Variants in C3orf20 observed in about 807,000 individuals in gnomAD.
C3orf20 encodes uncharacterized protein C3orf20.
Under a neutral mutation model 88.3 loss-of-function variants are expected in C3orf20, and 76 were observed. The ratio of observed to expected loss-of-function variants is 0.86; its 90% confidence interval spans 0.72 to 1.04. The LOEUF (loss-of-function observed/expected upper bound fraction) is 1.04. Ranked by LOEUF, C3orf20 falls within the 50% of genes least tolerant of loss-of-function variation. C3orf20 has a pLI of 0.00. For synonymous variants in C3orf20, 436 were observed against 437.4 expected, an observed-to-expected ratio of 1.00 and a Z score of 0.04; for missense variants, 1,056 against 1,123.3, an observed-to-expected ratio of 0.94 and a Z score of 0.86.
intron 11 of C3orf20, among the ~76,000 whole-genome samples, chr3:14,727,656 T>C (rs1387471113): frequency 6.6e-6 from 1 of 152,192 alleles, no homozygotes; most frequent in Non-Finnish European, 1.5e-5. Flanking sequence ...GGGGAGTTTC[T>C]TCTCGTCCCC....
At chr3:14,758,567 T>A (rs1373189325) in intron 13 of C3orf20, among the ~76,000 whole-genome samples, 1 of 152,208 alleles carries the variant, frequency 6.6e-6, no homozygotes, top group Non-Finnish European at 1.5e-5. Flanking sequence ...GGTGTCCACA[T>A]GGTGACTTCC....
rs1234394754 is a variant in C3orf20 at position 14,760,003 on chromosome 3, G to A, written c.2352+5G>A. ...GTGGTGCAGGGGATGATTCTGGTGAGCCAGCAGGGACTTGCTATCCACTGC... is the reference window on the plus strand; with the variant it reads ...GTGGTGCAGGGGATGATTCTGGTGAACCAGCAGGGACTTGCTATCCACTGC... On this transcript the variant is annotated splice_donor_5th_base_variant and intron_variant, in intron 14 of 16. Coordinates refer to ENST00000253697, the MANE Select transcript of C3orf20 (RefSeq NM_032137.5). 1 of 1,610,274 alleles carries A rather than the reference G, an allele frequency of 6.2e-7. No homozygotes were observed. The highest frequency in any genetic ancestry group is 1.7e-5 in the Admixed American group (1 of 60,018).
intron 5 of C3orf20, among the ~76,000 whole-genome samples, chr3:14,698,021 G>A (rs772364792): frequency 2.2e-4 from 33 of 152,234 alleles, no homozygotes; most frequent in Middle Eastern, 3.4e-3. Flanking sequence ...ATGAACATAC[G>A]TGTGCATGTG....
At chr3:14,699,154 C>G (rs1227290587) in intron 5 of C3orf20, among the ~76,000 whole-genome samples, 1 of 152,076 alleles carries the variant, frequency 6.6e-6, no homozygotes, top group African/African-American at 2.4e-5. Flanking sequence ...GGGCAGTGGG[C>G]TCCCCTGTGC....
chr3:14,751,279 C>G (rs2035211446), intron 12 of C3orf20, among the ~76,000 whole-genome samples: 1 of 152,186 alleles, frequency 6.6e-6, no homozygotes, highest in African/African-American at 2.4e-5. Flanking sequence ...AGAAACAGCT[C>G]TGGTCTACAG....
At chr3:14,747,891 T>G (rs564453871) in intron 12 of C3orf20, among the ~76,000 whole-genome samples, 6 of 152,092 alleles carry the variant, frequency 3.9e-5, no homozygotes, top group East Asian at 3.9e-4. Context: ...TAGTCAAACT[T>G]TTGTTTGCTG....
rs368674849 is a variant in C3orf20 at position 14,761,632 on chromosome 3, G to C, written c.2495+17G>C. On this transcript the variant is annotated intron_variant, in intron 15 of 16. Coordinates refer to ENST00000253697, the MANE Select transcript of C3orf20 (RefSeq NM_032137.5). Reference sequence around the variant, plus strand: ...CAAATTCAGGTAAAACAGGAAACACGCAGGATGAGGGATGGGCCTGGGGAG... The same window carrying C: ...CAAATTCAGGTAAAACAGGAAACACCCAGGATGAGGGATGGGCCTGGGGAG... 2 of 1,613,502 alleles carry C rather than the reference G, an allele frequency of 1.2e-6. No homozygotes were observed. Among genetic ancestry groups the C allele is most frequent in the South Asian group, 1.1e-5 (1 of 91,068 alleles).
At chr3:14,697,704 C>T (rs1384247126) in intron 5 of C3orf20, among the ~76,000 whole-genome samples, 1 of 70 alleles carries the variant, frequency 0.014, no homozygotes, top group Non-Finnish European at 0.028. Flanking sequence ...CTCCCCCAGC[C>T]CCCAACCCCC....
chr3:14,704,790 G>T (rs1456554716), intron 7 of C3orf20, among the ~76,000 whole-genome samples, 172 bp downstream of exon 7: 2 of 152,162 alleles, frequency 1.3e-5, no homozygotes, highest in Non-Finnish European at 2.9e-5. Flanking sequence ...GGTCAGAGGA[G>T]GAGGTAATAA....
At chr3:14,712,269 C>G (rs1383110725) in intron 7 of C3orf20, among the ~76,000 whole-genome samples, 2 of 151,578 alleles carry the variant, frequency 1.3e-5, no homozygotes, top group East Asian at 3.9e-4. Context: ...CATGTACAAT[C>G]CAAAGAATAC....
chr3:14,707,960 C>G (rs1465515217), intron 7 of C3orf20, among the ~76,000 whole-genome samples: 1 of 151,746 alleles, frequency 6.6e-6, no homozygotes, highest in Non-Finnish European at 1.5e-5. Flanking sequence ...GCTGGGATTA[C>G]AGGTATGCAC....
intron 12 of C3orf20, among the ~76,000 whole-genome samples, chr3:14,742,210 T>C (rs920663091): frequency 6.6e-6 from 1 of 152,250 alleles, no homozygotes; most frequent in Non-Finnish European, 1.5e-5. Flanking sequence ...TGATATGCTG[T>C]CAAAGATGGT....
In C3orf20 at chr3:14,726,114, A is replaced by G. The variant is rs546744275; in HGVS notation, c.1567-787A>G. On this transcript the variant is annotated intron_variant, in intron 10 of 16. Transcript: ENST00000253697. ...GGAAACAGACTGTGGAATGGAACCA[A>G]GTATGTAGGAGTTTACTGGAGACTG... Among the ~76,000 whole-genome samples, 30 of 152,360 alleles carry G rather than the reference A, an allele frequency of 2.0e-4. No homozygotes were observed. The South Asian group carries it at 3.3e-3, about 17-fold the overall frequency.
At position 14,701,756 on chromosome 3, in the gene C3orf20, A is replaced by G. The variant is rs1265694024; in HGVS notation, c.746-1374A>G. Among the ~76,000 whole-genome samples, 3 of 152,148 alleles carry G rather than the reference A, an allele frequency of 2.0e-5. No homozygotes were observed. Among genetic ancestry groups the G allele is most frequent in the African/African-American group, 4.8e-5 (2 of 41,430 alleles). On this transcript the variant is annotated intron_variant, in intron 5 of 16. Coordinates refer to ENST00000253697, the MANE Select transcript of C3orf20 (RefSeq NM_032137.5). The surrounding 1 kb of genome is among the most constrained non-coding windows in gnomAD (Gnocchi z 4.6). ...CTTTGTGTCTTTAATCAGGTGAATC[A>G]AAAGGGTCCAATTCAGTGAGGGCCG...
rs1206870413 is a variant in C3orf20 at position 14,689,931 on chromosome 3, A to T, written c.626-66A>T. The T allele has an allele frequency of 1.9e-6, 3 of 1,607,388 alleles. No homozygotes were observed. In the African/African-American group the frequency reaches 4.0e-5, roughly 21 times the overall value. On this transcript the variant is annotated intron_variant, in intron 4 of 16. Transcript: ENST00000253697. ...ACTACTAGAACAAGAAATCCATGTT[A>T]CATTTTTGGCTAATAAAATTAAAAG...
In C3orf20 at chr3:14,706,206, G is replaced by A. The variant is rs115006776; in HGVS notation, c.1160+1588G>A. On this transcript the variant is annotated intron_variant, in intron 7 of 16. Transcript: ENST00000253697. ...GATTTAAGCACTCTGTCAAAGAAGTGTTATTGTTTCTCAGACCGTATATGA... is the reference window on the plus strand; with the variant it reads ...GATTTAAGCACTCTGTCAAAGAAGTATTATTGTTTCTCAGACCGTATATGA... Among the ~76,000 whole-genome samples the A allele has an allele frequency of 4.6e-3, 702 of 152,220 alleles. 6 individuals are homozygous for A. Among genetic ancestry groups the A allele is most frequent in the South Asian group, 0.011 (53 of 4,822 alleles).
chr3:14,772,250 AC>A lies in C3orf20; in HGVS notation c.2630+51del. On this transcript the variant is annotated intron_variant, in intron 16 of 16. Coordinates refer to ENST00000253697, the MANE Select transcript of C3orf20 (RefSeq NM_032137.5). This position sits in a 1 kb window ranked among gnomAD's most constrained non-coding sequence, Gnocchi z 4.2. ...GAATGGGCGTGGCTCACAGCAGGCC[AC>A]CTCGGGGCTATTTGGCCTTGGGCAA... is the stretch of plus-strand genomic sequence containing the variant. The A allele has an allele frequency of 6.2e-7, 1 of 1,612,830 alleles. No homozygotes were observed. The highest frequency in any genetic ancestry group is 8.5e-7 in the Non-Finnish European group (1 of 1,179,238).
intron 15 of C3orf20, among the ~76,000 whole-genome samples, chr3:14,764,483 A>T (rs372640034): frequency 1.3e-4 from 15 of 116,404 alleles, no homozygotes; most frequent in Admixed American, 1.6e-4. Context: ...ACAATCGTTT[A>T]TTATTATTAT....
At chr3:14,765,842 A>G (rs1007369964) in intron 15 of C3orf20, among the ~76,000 whole-genome samples, 1 of 152,236 alleles carries the variant, frequency 6.6e-6, no homozygotes, top group African/African-American at 2.4e-5. Context: ...AAGGGCCAGG[A>G]GCAGGAAGAG....
Sources: allele counts gnomAD v4.1 joint callset (sites outside exome capture counted in the v4.1 genomes callset), GRCh38; gene constraint gnomAD v4.1.1; non-coding constraint Gnocchi (gnomAD v3.1); transcripts MANE v1.5; gene names NCBI Gene and HGNC (gene_info 2026-07-23, HGNC 2026-07-21).